AXDND1: variants seen among roughly 807,000 people sequenced by gnomAD.
The protein encoded by AXDND1 is axonemal dynein light chain domain containing 1.
A neutral mutation model predicts 137.5 loss-of-function variants in AXDND1; 110 were observed. The ratio of observed to expected loss-of-function variants is 0.80; its 90% CI spans 0.69 to 0.94. The LOEUF is 0.94. Among genes scored for constraint, AXDND1 ranks in the 40% least tolerant of loss-of-function variants. The pLI, the probability that AXDND1 is intolerant of heterozygous loss-of-function variation, is 0.00. For synonymous variants in AXDND1, 414 were observed against 399.7 expected (o/e 1.04, Z -0.43); for missense variants, 1,191 against 1,169.8 (o/e 1.02, Z -0.26).
At chr1:179,419,156 C>G (rs1655243096) in intron 12 of AXDND1, among the ~76,000 whole-genome samples, 1 of 151,542 alleles carries the variant, frequency 6.6e-6, no homozygotes, top group Non-Finnish European at 1.5e-5. Flanking sequence ...CAGAGGGGCT[C>G]CTCACATCCC....
intron 21 of AXDND1, among the ~76,000 whole-genome samples, chr1:179,515,047 C>T (rs1001718739): frequency 6.6e-6 from 1 of 152,144 alleles, no homozygotes; most frequent in Non-Finnish European, 1.5e-5. Context: ...GCATTTAAGC[C>T]ATTTACATTC....
At chr1:179,514,870 T>C (rs1381801113) in intron 21 of AXDND1, among the ~76,000 whole-genome samples, 2 of 152,184 alleles carry the variant, frequency 1.3e-5, no homozygotes, top group African/African-American at 4.8e-5. Flanking sequence ...TTGTCTGATA[T>C]AAGAATAGCT....
At chr1:179,430,268 A>G (rs1657175051) in intron 13 of AXDND1, among the ~76,000 whole-genome samples, 184 bp from the exon 14 acceptor site, 1 of 152,102 alleles carries the variant, frequency 6.6e-6, no homozygotes, top group South Asian at 2.1e-4. Flanking sequence ...TTAATACTTT[A>G]TAAGAAATGC....
chr1:179,387,331 A>G (rs1649380837), intron 9 of AXDND1, among the ~76,000 whole-genome samples: 1 of 152,170 alleles, frequency 6.6e-6, no homozygotes, highest in Non-Finnish European at 1.5e-5. Context: ...TAATCATAAC[A>G]TGACAGAAAG....
At chr1:179,516,831 A>T (rs1669582686) in intron 21 of AXDND1, among the ~76,000 whole-genome samples, 1 of 152,170 alleles carries the variant, frequency 6.6e-6, no homozygotes, top group African/African-American at 2.4e-5. Flanking sequence ...TCAGTCGTGG[A>T]TACCAGCACC....
chr1:179,531,628 T>A (rs1671044480), intron 23 of AXDND1, among the ~76,000 whole-genome samples: 1 of 152,130 alleles, frequency 6.6e-6, no homozygotes, highest in Non-Finnish European at 1.5e-5. Context: ...TTGGGGATAT[T>A]GGTACTCAGA....
intron 25 of AXDND1, among the ~76,000 whole-genome samples, chr1:179,540,674 G>A (rs1672045623): frequency 6.6e-6 from 1 of 152,176 alleles, no homozygotes; most frequent in Non-Finnish European, 1.5e-5. Context: ...CGGGGGTCAG[G>A]GACCCACTTG....
intron 18 of AXDND1, among the ~76,000 whole-genome samples, chr1:179,491,301 C>A (rs114323692): frequency 0.024 from 3,585 of 152,030 alleles, 127 homozygotes; most frequent in African/African-American, 0.08. Flanking sequence ...AACAGAGTGA[C>A]ACCCCGTTTC....
intron 25 of AXDND1, 96 bp downstream of exon 25, chr1:179,535,058 G>A (rs1251749788): frequency 1.3e-6 from 2 of 1,552,546 alleles, no homozygotes; most frequent in African/African-American, 2.7e-5. Context: ...TAATATATTT[G>A]GTGCTAATCT....
intron 11 of AXDND1, among the ~76,000 whole-genome samples, chr1:179,396,703 ATCT>A (rs935618273): frequency 6.6e-6 from 1 of 152,130 alleles, no homozygotes; most frequent in African/African-American, 2.4e-5. Flanking sequence ...TTCTTTTGAG[ATCT>A]TCTCGTTATG....
Position 179,516,005 on chromosome 1 carries a change from G to A in AXDND1, c.2496+6602G>A, listed in dbSNP as rs373500814. ...TGCTGTACAGGTTTATAGCCTGGGA[G>A]CAAAAGGTTATATCATATAGCCAAG... On this transcript the variant is annotated intron_variant, in intron 21 of 25. Transcript: ENST00000367618. 5.9e-5 allele frequency among the ~76,000 whole-genome samples: 9 copies of A among 152,210 alleles called. No individual in the cohort carries two copies. The East Asian group carries it at 1.5e-3, about 26-fold the overall frequency.
chr1:179,477,080 A>T (rs1286985715), intron 17 of AXDND1, among the ~76,000 whole-genome samples: 1 of 152,004 alleles, frequency 6.6e-6, no homozygotes, highest in East Asian at 1.9e-4. Flanking sequence ...TTTATCTTCA[A>T]GTTCAATTCT....
intron 18 of AXDND1, among the ~76,000 whole-genome samples, chr1:179,485,046 G>A (rs1209533478): frequency 6.6e-6 from 1 of 152,232 alleles, no homozygotes; most frequent in East Asian, 1.9e-4. Context: ...GAGGTTACCA[G>A]TCCTGCATCT....
intron 6 of AXDND1, among the ~76,000 whole-genome samples, chr1:179,381,651 A>AT (rs1558096008): frequency 6.6e-6 from 1 of 151,878 alleles, no homozygotes; most frequent in Non-Finnish European, 1.5e-5. Flanking sequence ...GCCTTGATGA[A>AT]TTTTTTAAAA....
At chr1:179,473,369 G>A (rs1045819444) in intron 17 of AXDND1, among the ~76,000 whole-genome samples, 2 of 151,910 alleles carry the variant, frequency 1.3e-5, no homozygotes, top group Admixed American at 6.5e-5. Context: ...GTGGTGGTGG[G>A]TGCCTGTAAT....
rs1658729565 is a variant in AXDND1, at chr1:179,439,827, G to A, written c.1564-5143G>A. On this transcript the variant is annotated intron_variant, in intron 15 of 25. Transcript: ENST00000367618. ...CCGGGCCCATGGTTGGCCACCCTGGGTTCCTCCAGTCTCCCATTCCATGGC... is the reference window on the plus strand; with the variant it reads ...CCGGGCCCATGGTTGGCCACCCTGGATTCCTCCAGTCTCCCATTCCATGGC... 2.6e-5 allele frequency among the ~76,000 whole-genome samples: 4 copies of A among 152,032 alleles called. 1 individual carries two copies. The South Asian group carries it at 8.3e-4, about 32-fold the overall frequency.
At chr1:179,520,179 T>C (rs879822250) in intron 21 of AXDND1, among the ~76,000 whole-genome samples, 2 of 152,204 alleles carry the variant, frequency 1.3e-5, no homozygotes, top group African/African-American at 2.4e-5. Context: ...GATTTGGCTC[T>C]TGGCTTGACT....
At chr1:179,471,047 C>T (rs1663866968) in intron 17 of AXDND1, among the ~76,000 whole-genome samples, 1 of 151,984 alleles carries the variant, frequency 6.6e-6, no homozygotes, top group African/African-American at 2.4e-5. Flanking sequence ...GTATTACATT[C>T]ATTGTCTTTT....
At chr1:179,419,321 A>G (rs1226997932) in intron 12 of AXDND1, among the ~76,000 whole-genome samples, 2 of 151,840 alleles carry the variant, frequency 1.3e-5, no homozygotes, top group Admixed American at 6.6e-5. Flanking sequence ...CAGCCTGGGC[A>G]CCATTGAGCA....
Sources: gnomAD v4.1 joint callset for allele counts (sites outside exome capture counted in the v4.1 genomes callset) on GRCh38, gnomAD v4.1.1 for gene constraint, MANE v1.5 for transcripts, NCBI Gene and HGNC (gene_info 2026-07-23, HGNC 2026-07-21) for gene names.